The following SETD1A variants were observed in gnomAD, a reference collection of about 807,000 sequenced individuals.
SETD1A encodes SET domain containing 1A, histone lysine methyltransferase.
In SETD1A, 29 loss-of-function variants were observed where a neutral mutation model predicts 149.9. The observed-to-expected ratio is 0.19, with a 90% confidence interval of 0.14 to 0.26. The LOEUF (loss-of-function observed/expected upper bound fraction) is 0.26, where lower values mean the gene tolerates loss of function less well. SETD1A is among the 10% of genes least tolerant of loss of function. SETD1A has a pLI of 1.00. For synonymous variants in SETD1A, 1,141 were observed against 968.5 expected (o/e 1.18, Z -3.31); for missense variants, 2,109 against 2,353.1 (o/e 0.90, Z 2.15).
At position 30,969,457 on chromosome 16, in the gene SETD1A, GAGA is replaced by G; in HGVS notation, c.2926_2928del (p.Lys976del). ...GGAGGCATCCCAGGAGTCCTCCTCG[GAGA>G]AGGTGAGGGCCCGGGCGCCGGCTCC... On this transcript the variant is annotated inframe_deletion and splice_region_variant, in exon 11 of 19. Transcript: ENST00000262519. 1.2e-6 allele frequency: 2 copies of G among 1,610,252 alleles called. No homozygotes were observed. Among genetic ancestry groups the G allele is most frequent in the Non-Finnish European group, 1.7e-6 (2 of 1,178,042 alleles).
chr16:30,982,759 G>GAGGTGAC (rs1401971293), intron 17 of SETD1A, among the ~76,000 whole-genome samples: 1 of 151,914 alleles, frequency 6.6e-6, no homozygotes, highest in Non-Finnish European at 1.5e-5. Flanking sequence ...AGGGTGGCCC[G>GAGGTGAC]ACCCAAGCAG....
In SETD1A at chr16:30,961,785, AT is replaced by A. The variant is rs1033229553; in HGVS notation, c.517+249del. On this transcript the variant is annotated intron_variant, in intron 4 of 18. Transcript: ENST00000262519. The surrounding 1 kb of genome is among the most constrained non-coding windows in gnomAD (Gnocchi z 4.0). ...TAACTATCTGTAAAAAAAAAAAAAA[AT>A]CATATGAAGGGTTGTACTAGGTAAG... Among the ~76,000 whole-genome samples the A allele has an allele frequency of 3.3e-5, 5 of 152,006 alleles. No homozygotes were observed. The highest frequency in any genetic ancestry group is 3.3e-4 in the Admixed American group (5 of 15,256).
chr16:30,959,026 C>T (rs763614220), intron 2 of SETD1A, 65 bp from the exon 3 acceptor site: 1 of 1,445,770 alleles, frequency 6.9e-7, no homozygotes, highest in Non-Finnish European at 9.7e-7. Flanking sequence ...TCCAGATGGG[C>T]TGCTTGGAGC....
At position 30,965,133 on chromosome 16, in the gene SETD1A, C is replaced by G. The variant is rs1191853567; in HGVS notation, c.1391C>G (p.Ser464Cys). 1 of 1,612,760 alleles carries G rather than the reference C, an allele frequency of 6.2e-7. No individual in the cohort carries two copies. Among genetic ancestry groups the G allele is most frequent in the East Asian group, 2.2e-5 (1 of 44,870 alleles). Residue 464 changes from serine to cysteine, a missense_variant, in exon 7 of 19, where the codon TCC becomes TGC. Coordinates refer to ENST00000262519, the MANE Select transcript of SETD1A (RefSeq NM_014712.3). ...EEVRTSPRPA[S>C]PARSGSPAPE... is the part of the protein sequence containing the mutation. The stretch of plus-strand genomic sequence containing the variant: ...GTTCGGACTTCCCCCCGCCCAGCCT[C>G]CCCTGCCCGCTCTGGCTCCCCAGCC...
intron 10 of SETD1A, 130 bp downstream of exon 10, chr16:30,967,718 C>T: frequency 2.7e-6 from 2 of 733,464 alleles, no homozygotes; most frequent in Non-Finnish European, 4.8e-6. Flanking sequence ...TGAAATGCAG[C>T]AGTTCTGAGA....
In SETD1A at chr16:30,971,713, C is replaced by A; in HGVS notation, c.3352C>A (p.Pro1118Thr). ...CGAACAGGAGGCGTCTCCAGCAAGG[C>A]CTGCAGGTAGGTGCCACAGGGCTGT... ...LPEQEASPAR[P>T]AGPTEESPPS... Residue 1118 changes from proline (P) to threonine (T), a missense_variant, in exon 13 of 19, where the codon CCT becomes ACT. Pro to Thr is a conservative substitution (Grantham distance 38). This residue lies in a region of SETD1A where 832 missense variants were observed against 815.6 expected (regional missense o/e 1.02). Coordinates refer to ENST00000262519, the MANE Select transcript of SETD1A (RefSeq NM_014712.3). 1 of 1,562,466 alleles carries A rather than the reference C, an allele frequency of 6.4e-7. No individual in the cohort carries two copies. The highest frequency in any genetic ancestry group is 1.9e-5 in the Admixed American group (1 of 53,648).
intron 1 of SETD1A, chr16:30,958,272 G>A (rs1399023879): frequency 6.6e-6 from 1 of 151,680 alleles, no homozygotes; most frequent in African/African-American, 2.4e-5. Flanking sequence ...GCTCGGTCTC[G>A]CGGTGTTTCC....
In SETD1A at chr16:30,964,116, C is replaced by T. The variant is rs770623913; in HGVS notation, c.662C>T (p.Ser221Phe). Residue 221 changes from serine to phenylalanine, a missense_variant, in exon 6 of 19, where the codon TCC becomes TTC. Ser to Phe is a radical substitution (Grantham distance 155). Around this residue, in one of 8 missense-constraint regions of SETD1A, gnomAD observed 410 missense variants for 394.8 expected, o/e 1.04. Transcript: ENST00000262519. ...TETAESRRRS[S>F]SDTAAYPAGT... Reference sequence around the variant, plus strand: ...TAGGCCGAATCCCGCCGCCGCTCTTCCTCTGACACAGCTGCCTACCCAGCA... The same window carrying T: ...TAGGCCGAATCCCGCCGCCGCTCTTTCTCTGACACAGCTGCCTACCCAGCA... 6.2e-7 allele frequency: 1 copy of T among 1,613,936 alleles called. No individual in the cohort carries two copies. The highest frequency in any genetic ancestry group is 8.5e-7 in the Non-Finnish European group (1 of 1,179,994).
At chr16:30,979,031 C>CG in intron 13 of SETD1A, 114 bp from the exon 14 acceptor site, 2 of 1,090,070 alleles carry the variant, frequency 1.8e-6, no homozygotes, top group Non-Finnish European at 2.6e-6. Context: ...GTGTTCCCTC[C>CG]GGGGTTCCTG....
chr16:30,977,866 T>G (rs1297109304), intron 13 of SETD1A, among the ~76,000 whole-genome samples: 2 of 152,160 alleles, frequency 1.3e-5, no homozygotes, highest in Non-Finnish European at 2.9e-5. Flanking sequence ...GTGAAGCCAG[T>G]GAGTCCGTGG....
intron 13 of SETD1A, among the ~76,000 whole-genome samples, chr16:30,972,275 C>T (rs1201924771): frequency 2.6e-5 from 4 of 152,160 alleles, no homozygotes; most frequent in Admixed American, 1.3e-4. Context: ...GTTGCTGAGC[C>T]TCACAGGCAG....
chr16:30,970,334 C>G (rs1176386736), intron 12 of SETD1A, among the ~76,000 whole-genome samples: 2 of 148,492 alleles, frequency 1.3e-5, no homozygotes, highest in Non-Finnish European at 3.0e-5. Flanking sequence ...GTGATGTGAT[C>G]TTGGCTCACT....
Position 30,964,883 on chromosome 16 carries a change from T to G in SETD1A, c.1141T>G (p.Ser381Ala). 1.2e-6 allele frequency: 2 copies of G among 1,614,156 alleles called. No homozygotes were observed. Among genetic ancestry groups the G allele is most frequent in the Non-Finnish European group, 1.7e-6 (2 of 1,180,028 alleles). Residue 381 changes from serine to alanine, a missense_variant, in exon 7 of 19, where the codon TCC becomes GCC. By Grantham distance (99) the Ser-to-Ala change is moderately conservative (BLOSUM62 1). Coordinates refer to ENST00000262519, the MANE Select transcript of SETD1A (RefSeq NM_014712.3). ...ESWNRYQRHT[S>A]YPPRRATREE... Reference sequence around the variant, plus strand: ...CTGGAATCGCTACCAGCGCCATACTTCCTACCCACCACGCCGGGCCACACG... The same window carrying G: ...CTGGAATCGCTACCAGCGCCATACTGCCTACCCACCACGCCGGGCCACACG...
intron 10 of SETD1A, among the ~76,000 whole-genome samples, chr16:30,968,779 G>A (rs895558112): frequency 6.0e-5 from 9 of 149,728 alleles, no homozygotes; most frequent in Non-Finnish European, 4.4e-5. Context: ...CCAGCCTGGC[G>A]ACAAAGCGAG....
Position 30,965,818 on chromosome 16 carries a change from AC to A in SETD1A, c.1943del (p.Pro648HisfsTer13). On this transcript the variant is annotated frameshift_variant, in exon 8 of 19. Transcript: ENST00000262519. LOFTEE classifies it high-confidence loss of function. ...PRPDGPPPPE[Y>X]PPPPPPPPHI... ...CCTGATGGGCCGCCGCCCCCTGAGT[AC>A]CCCCCACCTCCTCCACCACCCCCGC... The A allele has an allele frequency of 8.7e-7, 1 of 1,151,350 alleles. No individual in the cohort carries two copies. 71.3% of individuals were successfully genotyped at this position (1,151,350 alleles called of 1,614,324 possible). A position where few individuals can be genotyped will look rare whatever the true frequency, so the allele number is the denominator to read the frequency against.
chr16:30,963,323 C>A lies in SETD1A; in HGVS notation c.518-110C>A, dbSNP rs55775432. The A allele has an allele frequency of 2.3e-3, 2,456 of 1,085,162 alleles. 46 individuals are homozygous for A. The African/African-American group carries it at 0.037, about 16-fold the overall frequency. 67.2% of individuals were successfully genotyped at this position (1,085,162 alleles called of 1,614,324 possible). Reference sequence around the variant, plus strand: ...GTAGGAGAACTGAAATCCTGAAACCCAGATTCCAAGAAATTGTAGGAAACT... The same window carrying A: ...GTAGGAGAACTGAAATCCTGAAACCAAGATTCCAAGAAATTGTAGGAAACT... On this transcript the variant is annotated intron_variant, in intron 4 of 18. Transcript: ENST00000262519.
chr16:30,971,347 C>T (rs375863434), intron 12 of SETD1A, 31 bp from the exon 13 acceptor site: 1 of 1,552,864 alleles, frequency 6.4e-7, no homozygotes, highest in Non-Finnish European at 8.7e-7. Context: ...GGTCTGCCCA[C>T]CTCTCCTGAC....
In SETD1A at chr16:30,964,180, C is replaced by A. The variant is rs61744415; in HGVS notation, c.726C>A (p.Pro242=). 6.2e-7 allele frequency: 1 copy of A among 1,614,046 alleles called. No individual in the cohort carries two copies. Among genetic ancestry groups the A allele is most frequent in the African/African-American group, 1.3e-5 (1 of 74,912 alleles). Residue 242 remains proline, a synonymous_variant, in exon 6 of 19, where the codon CCC becomes CCA. Coordinates refer to ENST00000262519, the MANE Select transcript of SETD1A (RefSeq NM_014712.3). ...TGGGCACTCCTGGCAACGGCACCCC[C>A]TGCTCCCAGGACACAAGCTTCTCCA... ...TAVGTPGNGT[P]CSQDTSFSSS...
At chr16:30,967,614 A>G in intron 10 of SETD1A, 26 bp downstream of exon 10, 2 of 1,600,378 alleles carry the variant, frequency 1.2e-6, no homozygotes, top group African/African-American at 1.3e-5. Flanking sequence ...CATAAGGAGA[A>G]GGGGTGTGCT....
Sources: gnomAD v4.1 joint callset for allele counts (sites outside exome capture counted in the v4.1 genomes callset) on GRCh38, gnomAD v4.1.1 for gene constraint, gnomAD v4.1.1 regional missense constraint, Gnocchi (gnomAD v3.1) non-coding constraint, MANE v1.5 for transcripts, NCBI Gene and HGNC (gene_info 2026-07-23, HGNC 2026-07-21) for gene names.